Variants in FAM184B observed in about 807,000 individuals in gnomAD.
The protein encoded by FAM184B is protein FAM184B.
FAM184B carries 111 observed loss-of-function variants against 135.9 expected under a neutral mutation model. That is an observed-to-expected ratio of 0.82 (90% CI 0.70 to 0.96). The LOEUF (loss-of-function observed/expected upper bound fraction) is 0.96, where lower values mean the gene tolerates loss of function less well. Ranked by LOEUF, FAM184B falls within the 40% of genes least tolerant of loss-of-function variation. The probability of loss-of-function intolerance (pLI) is 0.00; values close to 1 mark genes in which losing one functional copy is unlikely to be tolerated. For missense variants in FAM184B, 1,375 were observed against 1,323.9 expected, an observed-to-expected ratio of 1.04 and a Z score of -0.60; for synonymous variants, 552 against 524.8, an observed-to-expected ratio of 1.05 and a Z score of -0.71.
chr4:17,696,139 T>C (rs1429993105), intron 5 of FAM184B, among the ~76,000 whole-genome samples: 1 of 152,200 alleles, frequency 6.6e-6, no homozygotes, highest in Non-Finnish European at 1.5e-5. Context: ...CTCTCTGGTC[T>C]TTGTGAAAGC....
intron 7 of FAM184B, among the ~76,000 whole-genome samples, chr4:17,673,658 C>G (rs998809855): frequency 6.6e-6 from 1 of 152,092 alleles, no homozygotes; most frequent in East Asian, 1.9e-4. Context: ...TGAAATAACT[C>G]AGGAATTGGA....
intron 15 of FAM184B, among the ~76,000 whole-genome samples, chr4:17,635,623 A>T (rs1577239343): frequency 6.6e-6 from 1 of 151,728 alleles, no homozygotes; most frequent in African/African-American, 2.4e-5. Context: ...TTATTACATA[A>T]TTTTTCTCTG....
At chr4:17,767,841 A>T (rs1299909404) in intron 1 of FAM184B, among the ~76,000 whole-genome samples, 1 of 152,204 alleles carries the variant, frequency 6.6e-6, no homozygotes, top group Non-Finnish European at 1.5e-5. Flanking sequence ...AGCCATTCCC[A>T]AAGAACTGAA....
rs144061544 is a variant in FAM184B, at chr4:17,731,471, G to C, written c.142-21827C>G. On this transcript the variant is annotated intron_variant, in intron 1 of 17. Transcript: ENST00000265018. ...AGACACACATAGGCTCAAAATAAAG[G>C]GATGGAGGAAGATCTACCAAGCAAA... is the stretch of plus-strand genomic sequence containing the variant. Among the ~76,000 whole-genome samples, 681 of 152,170 alleles carry C rather than the reference G, an allele frequency of 4.5e-3. 24 individuals are homozygous for C. In the East Asian group the frequency reaches 0.084, roughly 19 times the overall value.
In FAM184B at chr4:17,781,187, AT is replaced by A; in HGVS notation, c.112del (p.Met38CysfsTer11). ...MDCDPQMHVKMCKKIAQLTKV... is the reference protein window; with the variant it reads ...MDCDPQMHVKXCKKIAQLTKV... Reference sequence around the variant, plus strand: ...GGTGAGCTGGGCGATCTTCTTGCACATTTTCACGTGCATCTGGGGATCACAG... The same window carrying A: ...GGTGAGCTGGGCGATCTTCTTGCACATTTCACGTGCATCTGGGGATCACAG... On this transcript the variant is annotated frameshift_variant, in exon 1 of 18. Transcript: ENST00000265018. LOFTEE classifies it high-confidence loss of function. The surrounding 1 kb of genome is among the most constrained non-coding windows in gnomAD (Gnocchi z 6.5). 6.5e-7 allele frequency: 1 copy of A among 1,548,908 alleles called. No homozygotes were observed. The highest frequency in any genetic ancestry group is 2.0e-5 in the Admixed American group (1 of 50,668).
chr4:17,660,592 C>T (rs867270508), intron 8 of FAM184B, among the ~76,000 whole-genome samples: 3 of 152,022 alleles, frequency 2.0e-5, no homozygotes, highest in Admixed American at 2.0e-4. Flanking sequence ...TATAAATAGG[C>T]CTCCACATAT....
At chr4:17,693,909 C>T (rs563184665) in intron 5 of FAM184B, among the ~76,000 whole-genome samples, 39 of 151,092 alleles carry the variant, frequency 2.6e-4, no homozygotes, top group African/African-American at 8.5e-4. Flanking sequence ...TCCGGGGGTT[C>T]GAGACCAGCC....
intron 1 of FAM184B, among the ~76,000 whole-genome samples, chr4:17,777,414 T>C (rs867724766): frequency 6.6e-6 from 1 of 152,168 alleles, no homozygotes. Context: ...GCTTAATGAC[T>C]AAAACAATGT....
At chr4:17,637,480 GAT>G (rs1648749013) in intron 14 of FAM184B, among the ~76,000 whole-genome samples, 1 of 152,166 alleles carries the variant, frequency 6.6e-6, no homozygotes, top group African/African-American at 2.4e-5. Flanking sequence ...CTTTTTTCTA[GAT>G]ATGTGACCTT....
At chr4:17,655,417 C>T (rs1715759199) in intron 10 of FAM184B, among the ~76,000 whole-genome samples, 2 of 152,170 alleles carry the variant, frequency 1.3e-5, no homozygotes, top group African/African-American at 4.8e-5. Context: ...GTGAGGATCA[C>T]ACAGGGTGCA....
chr4:17,693,539 T>C (rs1359107029), intron 5 of FAM184B, 127 bp from the exon 6 acceptor site: 3 of 692,234 alleles, frequency 4.3e-6, no homozygotes, highest in Non-Finnish European at 7.3e-6. Flanking sequence ...CAAATAAACA[T>C]AAATTAGACA....
chr4:17,761,841 C>T (rs1358188506), intron 1 of FAM184B, among the ~76,000 whole-genome samples: 1 of 152,072 alleles, frequency 6.6e-6, no homozygotes, highest in Non-Finnish European at 1.5e-5. Flanking sequence ...TTTTGTTTTT[C>T]AGGCCTCAAC....
intron 6 of FAM184B, among the ~76,000 whole-genome samples, chr4:17,691,558 C>A (rs946245430): frequency 3.3e-5 from 5 of 151,798 alleles, no homozygotes; most frequent in African/African-American, 9.7e-5. Context: ...TGGTGGCATG[C>A]GCCTGTAATT....
At position 17,642,042 on chromosome 4, in the gene FAM184B, G is replaced by A. The variant is rs1171848454; in HGVS notation, c.2519+14C>T. 3 of 1,520,584 alleles carry A rather than the reference G, an allele frequency of 2.0e-6. No individual in the cohort carries two copies. The highest frequency in any genetic ancestry group is 2.4e-5 in the South Asian group (2 of 82,982). The allele number at this position is 1,520,584 out of a possible 1,614,324, so 94.2% of individuals were successfully genotyped here. ...TGAGGGTGGCGCGGTGGCGGGGCGCGCCGGGTCACCCACCTGCGCTGGTCT... is the reference window on the plus strand; with the variant it reads ...TGAGGGTGGCGCGGTGGCGGGGCGCACCGGGTCACCCACCTGCGCTGGTCT... On this transcript the variant is annotated intron_variant, in intron 13 of 17. Transcript: ENST00000265018.
chr4:17,774,216 A>G (rs551089667), intron 1 of FAM184B, among the ~76,000 whole-genome samples: 3 of 152,188 alleles, frequency 2.0e-5, no homozygotes, highest in South Asian at 2.1e-4. Context: ...GTCTCTACCA[A>G]AAAAAGCCGG....
chr4:17,646,531 G>A (rs1014278303), intron 12 of FAM184B, among the ~76,000 whole-genome samples: 2 of 152,028 alleles, frequency 1.3e-5, no homozygotes, highest in Admixed American at 6.6e-5. Flanking sequence ...ATTGAACAAT[G>A]AGAACACTTG....
intron 11 of FAM184B, 52 bp downstream of exon 11, chr4:17,652,778 T>C: frequency 6.6e-7 from 1 of 1,522,542 alleles, no homozygotes; most frequent in Non-Finnish European, 8.9e-7. Flanking sequence ...GGTTTCTACA[T>C]GCAGACCCTG....
At chr4:17,728,472 C>T (rs915612693) in intron 1 of FAM184B, among the ~76,000 whole-genome samples, 2 of 152,120 alleles carry the variant, frequency 1.3e-5, no homozygotes, top group Non-Finnish European at 2.9e-5. Flanking sequence ...ATTTTGACTG[C>T]TGTGAGTTAA....
At chr4:17,777,283 T>C (rs1393352769) in intron 1 of FAM184B, among the ~76,000 whole-genome samples, 1 of 152,154 alleles carries the variant, frequency 6.6e-6, no homozygotes, top group Non-Finnish European at 1.5e-5. Context: ...TTTAAAGAGA[T>C]AGGAAGTAGA....
Sources: gnomAD v4.1 joint callset for allele counts (sites outside exome capture counted in the v4.1 genomes callset) on GRCh38, gnomAD v4.1.1 for gene constraint, Gnocchi (gnomAD v3.1) non-coding constraint, MANE v1.5 for transcripts, NCBI Gene and HGNC (gene_info 2026-07-23, HGNC 2026-07-21) for gene names.